The following HCN2 variants were observed in gnomAD, a reference collection of about 807,000 sequenced individuals.
HCN2 encodes the protein hyperpolarization activated cyclic nucleotide gated potassium and sodium channel 2, also known as potassium/sodium hyperpolarization-activated cyclic nucleotide-gated channel 2.
Under a neutral mutation model 52.3 loss-of-function variants are expected in HCN2, and 20 were observed. That is an observed-to-expected ratio of 0.38 (90% CI 0.27 to 0.56). HCN2 has a LOEUF of 0.56. HCN2 is among the 20% of genes least tolerant of loss of function. HCN2 has a pLI of 0.71. For missense variants in HCN2, 981 were observed against 1,207.7 expected, an observed-to-expected ratio of 0.81 and a Z score of 2.78; for synonymous variants, 694 against 537.0, an observed-to-expected ratio of 1.29 and a Z score of -4.04.
chr19:604,731 G>GGGGGGAGA (rs1983351419), intron 2 of HCN2, among the ~76,000 whole-genome samples: 1 of 129,328 alleles, frequency 7.7e-6, no homozygotes, highest in Non-Finnish European at 1.7e-5. Flanking sequence ...GACATCAGGG[G>GGGGGGAGA]TGGGGATATG....
At position 616,512 on chromosome 19, in the gene HCN2, G is replaced by T; in HGVS notation, c.*38G>T. ...GCCCCGCGGGCCCAGGCGGGCCGGG[G>T]GCGGGGCCGTCATCCAGACCAAAGC... On this transcript the variant is annotated 3_prime_UTR_variant, in exon 8 of 8. Coordinates refer to ENST00000251287, the MANE Select transcript of HCN2 (RefSeq NM_001194.4). 1.7e-6 allele frequency: 2 copies of T among 1,166,992 alleles called. No individual in the cohort carries two copies. The highest frequency in any genetic ancestry group is 2.1e-6 in the Non-Finnish European group (2 of 936,368). The allele number at this position is 1,166,992 out of a possible 1,614,324, so 72.3% of individuals were successfully genotyped here.
rs543467718 is a variant in HCN2, at chr19:592,107, G to T, written c.632+1530G>T. ...GGCCTGCGAAATGTGGACAGTGAGC[G>T]GGAAGGACTGGACTTCCAGGGCTGC... On this transcript the variant is annotated intron_variant, in intron 1 of 7. Coordinates refer to ENST00000251287, the MANE Select transcript of HCN2 (RefSeq NM_001194.4). This position sits in a 1 kb window ranked among gnomAD's most constrained non-coding sequence, Gnocchi z 4.8. Among the ~76,000 whole-genome samples the T allele has an allele frequency of 2.0e-5, 3 of 152,208 alleles. No homozygotes were observed. The highest frequency in any genetic ancestry group is 4.4e-5 in the Non-Finnish European group (3 of 68,034).
Position 617,102 on chromosome 19 carries a change from A to G in HCN2, c.*628A>G, listed in dbSNP as rs985801857. The G allele has an allele frequency of 5.0e-5, 7 of 140,274 alleles. No individual in the cohort carries two copies. Among genetic ancestry groups the G allele is most frequent in the Non-Finnish European group, 9.6e-5 (7 of 72,868 alleles). 8.7% of individuals were successfully genotyped at this position (140,274 alleles called of 1,614,324 possible). A position where few individuals can be genotyped will look rare whatever the true frequency, so the allele number is the denominator to read the frequency against. ...AGCAGTGCCCCCACCGTGGCCCCCC[A>G]CGCCCCATTAACCCCCACACCCCCA... is the stretch of plus-strand genomic sequence containing the variant. On this transcript the variant is annotated 3_prime_UTR_variant, in exon 8 of 8. Transcript: ENST00000251287.
At chr19:613,778 G>T in intron 6 of HCN2, 74 bp from the exon 7 acceptor site, 1 of 1,395,534 alleles carries the variant, frequency 7.2e-7, no homozygotes, top group Non-Finnish European at 9.3e-7. Context: ...TGCAGAGGCC[G>T]GGCCGTGTGC....
At chr19:607,102 C>T (rs1022470088) in intron 3 of HCN2, among the ~76,000 whole-genome samples, 3 of 152,126 alleles carry the variant, frequency 2.0e-5, no homozygotes, top group East Asian at 1.9e-4. Flanking sequence ...AACCCGGGAG[C>T]GGAGGCTGCC....
At chr19:594,476 G>A (rs1251352159) in intron 1 of HCN2, among the ~76,000 whole-genome samples, 3 of 152,210 alleles carry the variant, frequency 2.0e-5, no homozygotes, top group Non-Finnish European at 4.4e-5. Flanking sequence ...AGACAGACGA[G>A]ATGCTCCCCA....
At chr19:605,731 T>A (rs1489682158) in intron 3 of HCN2, among the ~76,000 whole-genome samples, 13 of 93,246 alleles carry the variant, frequency 1.4e-4, no homozygotes, top group South Asian at 5.6e-4. Flanking sequence ...AGGGGAGGAC[T>A]CGGGCCCTTA....
chr19:603,506 G>GA (rs200912355), intron 1 of HCN2, 38 bp from the exon 2 acceptor site: 1 of 1,522,656 alleles, frequency 6.6e-7, no homozygotes, highest in Non-Finnish European at 8.9e-7. Flanking sequence ...GTGCCCCGGG[G>GA]AGGCACCGGC....
In HCN2 at chr19:590,423, G is replaced by T; in HGVS notation, c.478G>T (p.Ala160Ser). 1 of 1,470,452 alleles carries T rather than the reference G, an allele frequency of 6.8e-7. No homozygotes were observed. Among genetic ancestry groups the T allele is most frequent in the South Asian group, 1.3e-5 (1 of 76,694 alleles). The allele number at this position is 1,470,452 out of a possible 1,614,324, so 91.1% of individuals were successfully genotyped here. A position where few individuals can be genotyped will look rare whatever the true frequency, so the allele number is the denominator to read the frequency against. ...GPAGEPRGSQ[A>S]SFMQRQFGAL... Reference sequence around the variant, plus strand: ...GGCGGGGGAGCCGCGCGGCAGCCAGGCCAGCTTCATGCAGCGCCAGTTCGG... The same window carrying T: ...GGCGGGGGAGCCGCGCGGCAGCCAGTCCAGCTTCATGCAGCGCCAGTTCGG... The change falls in exon 1 of 8, where the codon GCC becomes TCC. Residue 160 changes from alanine (A) to serine (S), a missense_variant. Coordinates refer to ENST00000251287, the MANE Select transcript of HCN2 (RefSeq NM_001194.4). The surrounding 1 kb of genome is among the most constrained non-coding windows in gnomAD (Gnocchi z 7.2).
rs761793254 is a variant in HCN2 at position 610,393 on chromosome 19, G to T, written c.1572G>T (p.Gly524=). 4.0e-5 allele frequency: 64 copies of T among 1,613,172 alleles called. No individual in the cohort carries two copies. Among genetic ancestry groups the T allele is most frequent in the Non-Finnish European group, 5.4e-5 (64 of 1,179,612 alleles). Residue 524 remains glycine, a synonymous_variant, in exon 5 of 8, where the codon GGG becomes GGT. Coordinates refer to ENST00000251287, the MANE Select transcript of HCN2 (RefSeq NM_001194.4). The stretch of plus-strand genomic sequence containing the variant: ...ACAGCATCCTGGGCGAGCTCAACGG[G>T]CCCCTGCGGGAGGTGAGGCGGGCGC... ...DEDSILGELN[G]PLREEIVNFN...
Position 616,002 on chromosome 19 carries a change from C to G in HCN2, c.2198C>G (p.Ala733Gly). The G allele has an allele frequency of 1.9e-6, 3 of 1,549,422 alleles. No homozygotes were observed. Among genetic ancestry groups the G allele is most frequent in the South Asian group, 2.3e-5 (2 of 85,278 alleles). The change falls in exon 8 of 8, where the codon GCG (alanine) becomes GGG (glycine). Residue 733 changes from alanine (A) to glycine (G), a missense_variant. Ala to Gly is a moderately conservative substitution (Grantham distance 60, BLOSUM62 0). Coordinates refer to ENST00000251287, the MANE Select transcript of HCN2 (RefSeq NM_001194.4). ...TCGGCCATCGCCACGCTGCAGCAGG[C>G]GGCGGCCATGAGCTTCTGCCCGCAG... is the stretch of plus-strand genomic sequence containing the variant. ...VTSAIATLQQ[A>G]AAMSFCPQVA...
At chr19:593,301 C>T (rs1307178973) in intron 1 of HCN2, among the ~76,000 whole-genome samples, 1 of 152,228 alleles carries the variant, frequency 6.6e-6, no homozygotes, top group African/African-American at 2.4e-5. Context: ...GCTCTCAGGC[C>T]TGGGCGGCTG....
intron 7 of HCN2, among the ~76,000 whole-genome samples, chr19:615,267 T>C (rs1388688392): frequency 2.6e-5 from 4 of 152,046 alleles, no homozygotes; most frequent in South Asian, 4.1e-4. Flanking sequence ...CCCAGCACTT[T>C]CGGAGGCCAA....
chr19:611,283 C>G (rs1178741181), intron 5 of HCN2, among the ~76,000 whole-genome samples: 1 of 152,228 alleles, frequency 6.6e-6, no homozygotes, highest in African/African-American at 2.4e-5. Context: ...AGGTCCCACC[C>G]TCAGGAAGCG....
Position 589,943 on chromosome 19 carries a change from G to T in HCN2, c.-3G>T. 1.1e-6 allele frequency: 1 copy of T among 932,754 alleles called. No homozygotes were observed. The highest frequency in any genetic ancestry group is 1.3e-6 in the Non-Finnish European group (1 of 797,932). 57.8% of individuals were successfully genotyped at this position (932,754 alleles called of 1,614,324 possible). A position where few individuals can be genotyped will look rare whatever the true frequency, so the allele number is the denominator to read the frequency against. On this transcript the variant is annotated 5_prime_UTR_variant, in exon 1 of 8. Coordinates refer to ENST00000251287, the MANE Select transcript of HCN2 (RefSeq NM_001194.4). ...GCTCCGCACTGCCCGGCGCCGCCTC[G>T]CCATGGACGCGCGCGGGGGCGGCGG...
intron 1 of HCN2, among the ~76,000 whole-genome samples, chr19:593,173 G>A (rs964041601): frequency 2.0e-5 from 3 of 152,216 alleles, no homozygotes; most frequent in African/African-American, 7.2e-5. Context: ...TCCCGTGCTC[G>A]GAAGTGGCCT....
chr19:611,389 G>A (rs11668177), intron 5 of HCN2, among the ~76,000 whole-genome samples: 70,410 of 151,736 alleles, frequency 0.46, 16,599 homozygotes, highest in South Asian at 0.52. Flanking sequence ...CAGCAAGGCC[G>A]TGTGTGAGCC....
chr19:613,628 G>GGGATGGGGATGT (rs1983753891), intron 6 of HCN2, 140 bp downstream of exon 6: 2 of 207,460 alleles, frequency 9.6e-6, no homozygotes, highest in Non-Finnish European at 1.6e-5. Context: ...GATGGGGATG[G>GGGATGGGGATGT]GGATGGGGCC....
At position 608,021 on chromosome 19, in the gene HCN2, C is replaced by T. The variant is rs1190577113; in HGVS notation, c.1276C>T (p.Leu426=). ...FALFKAMSHM[L]CIGYGRQAPE... ...ACTCTTCAAGGCCATGAGCCACATG[C>T]TGTGCATCGGGTACGGCCGGCAGGC... is the stretch of plus-strand genomic sequence containing the variant. Residue 426 remains leucine (L), a synonymous_variant, in exon 4 of 8, where the codon CTG becomes TTG. Coordinates refer to ENST00000251287, the MANE Select transcript of HCN2 (RefSeq NM_001194.4). The T allele has an allele frequency of 1.2e-6, 2 of 1,612,988 alleles. No individual in the cohort carries two copies. Among genetic ancestry groups the T allele is most frequent in the African/African-American group, 1.3e-5 (1 of 74,942 alleles).
Sources: gnomAD v4.1 joint callset for allele counts (sites outside exome capture counted in the v4.1 genomes callset) on GRCh38, gnomAD v4.1.1 for gene constraint, Gnocchi (gnomAD v3.1) non-coding constraint, MANE v1.5 for transcripts, NCBI Gene and HGNC (gene_info 2026-07-23, HGNC 2026-07-21) for gene names.